The following EPS15L1 variants were observed in gnomAD, a reference collection of about 807,000 sequenced individuals.
EPS15L1 encodes the protein epidermal growth factor receptor pathway substrate 15 like 1, also known as epidermal growth factor receptor substrate 15-like 1.
Under a neutral mutation model 117.1 loss-of-function variants are expected in EPS15L1, and 43 were observed. The observed-to-expected ratio is 0.37, with a 90% CI of 0.29 to 0.47. The LOEUF is 0.47. Ranked by LOEUF, EPS15L1 falls within the 20% of genes least tolerant of loss-of-function variation. The pLI, the probability that EPS15L1 is intolerant of heterozygous loss-of-function variation, is 0.99. For synonymous variants in EPS15L1, 459 were observed against 470.5 expected, an observed-to-expected ratio of 0.98 and a Z score of 0.32; for missense variants, 981 against 1,164.0, an observed-to-expected ratio of 0.84 and a Z score of 2.29.
At chr19:16,391,095 C>A (rs1420170385) in intron 19 of EPS15L1, among the ~76,000 whole-genome samples, 2 of 152,046 alleles carry the variant, frequency 1.3e-5, no homozygotes, top group Non-Finnish European at 2.9e-5. Context: ...GTAAATTGAA[C>A]CATCGTAAGT....
Position 16,471,925 on chromosome 19 carries a change from G to T in EPS15L1, c.21C>A (p.Pro7=). The T allele has an allele frequency of 7.7e-7, 1 of 1,295,642 alleles. No individual in the cohort carries two copies. Among genetic ancestry groups the T allele is most frequent in the Non-Finnish European group, 9.8e-7 (1 of 1,023,318 alleles). The allele number at this position is 1,295,642 out of a possible 1,614,324, so 80.3% of individuals were successfully genotyped here. The part of the protein sequence containing the change: MAAPLI[P]LSQQIPTGNS... ...GCCCGGCCCGTACCTGCTGGGAGAG[G>T]GGGATGAGCGGCGCCGCCATCTTCC... The change falls in exon 1 of 24, where the codon CCC becomes CCA. Residue 7 remains proline, a synonymous_variant. Transcript: ENST00000455140. The surrounding 1 kb of genome is among the most constrained non-coding windows in gnomAD (Gnocchi z 4.8).
At chr19:16,376,295 C>A (rs2092294451) in intron 22 of EPS15L1, among the ~76,000 whole-genome samples, 1 of 152,190 alleles carries the variant, frequency 6.6e-6, no homozygotes, top group South Asian at 2.1e-4. Flanking sequence ...ATAAATGGAT[C>A]AGGGAGCTGC....
chr19:16,408,938 C>A (rs1285802344), intron 13 of EPS15L1, among the ~76,000 whole-genome samples: 1 of 152,138 alleles, frequency 6.6e-6, no homozygotes, highest in Non-Finnish European at 1.5e-5. Flanking sequence ...ACAAATGGCA[C>A]TGGCCCAGCA....
At chr19:16,393,771 G>A (rs1046101880) in intron 18 of EPS15L1, among the ~76,000 whole-genome samples, 180 bp downstream of exon 18, 1 of 152,118 alleles carries the variant, frequency 6.6e-6, no homozygotes, top group African/African-American at 2.4e-5. Context: ...GACCTGGGGA[G>A]GGGAGCCACC....
chr19:16,384,586 G>C (rs901897854), intron 21 of EPS15L1, among the ~76,000 whole-genome samples: 2 of 152,194 alleles, frequency 1.3e-5, no homozygotes, highest in Non-Finnish European at 2.9e-5. Context: ...CGTGTGGTGA[G>C]GGCCGGACAC....
At chr19:16,400,704 T>C (rs2144818163) in intron 16 of EPS15L1, 2 of 985,440 alleles carry the variant, frequency 2.0e-6, no homozygotes. Flanking sequence ...CAAGTTTCCA[T>C]GTAACGTATC....
At chr19:16,421,590 C>G in intron 9 of EPS15L1, 114 bp from the exon 10 acceptor site, 2 of 1,114,196 alleles carry the variant, frequency 1.8e-6, no homozygotes, top group Non-Finnish European at 2.6e-6. Flanking sequence ...GCATCAAACT[C>G]TCCTCACTTC....
At chr19:16,355,928 G>T (rs986420200) in intron 23 of EPS15L1, 77 bp from the exon 24 acceptor site, 20 of 1,492,580 alleles carry the variant, frequency 1.3e-5, no homozygotes, top group Non-Finnish European at 1.7e-5. Context: ...CAGGGAATGC[G>T]TGGGAGGGGT....
chr19:16,463,676 T>C (rs530150788), intron 1 of EPS15L1, among the ~76,000 whole-genome samples: 2 of 152,246 alleles, frequency 1.3e-5, no homozygotes, highest in African/African-American at 4.8e-5. Flanking sequence ...GTCTCTGCCC[T>C]TGTGGACCTA....
intron 13 of EPS15L1, among the ~76,000 whole-genome samples, chr19:16,411,861 G>A (rs1472387905): frequency 6.6e-6 from 1 of 151,848 alleles, no homozygotes; most frequent in Non-Finnish European, 1.5e-5. Context: ...CACTACACCC[G>A]GCTTTTGCAA....
intron 4 of EPS15L1, among the ~76,000 whole-genome samples, chr19:16,438,974 G>A (rs1450216190): frequency 6.6e-6 from 1 of 152,032 alleles, no homozygotes; most frequent in Non-Finnish European, 1.5e-5. Context: ...ACACGGGAAG[G>A]AAGTTGAACT....
chr19:16,376,995 C>T, intron 22 of EPS15L1, 127 bp downstream of exon 22: 1 of 1,233,738 alleles, frequency 8.1e-7, no homozygotes, highest in Non-Finnish European at 1.1e-6. Flanking sequence ...GCCGGGGGGA[C>T]CCTCTTGCTC....
Position 16,370,585 on chromosome 19 carries a change from G to A in EPS15L1, c.2380+6537C>T, listed in dbSNP as rs1434068788. ...CCACTGAACACCAGATGATAATCGA[G>A]TCACACGACACTCCCTGGATCCGCC... On this transcript the variant is annotated intron_variant, in intron 22 of 23. Transcript: ENST00000455140. The surrounding 1 kb of genome is among the most constrained non-coding windows in gnomAD (Gnocchi z 5.2). 6.6e-6 allele frequency among the ~76,000 whole-genome samples: 1 copy of A among 152,166 alleles called. No individual in the cohort carries two copies. The highest frequency in any genetic ancestry group is 1.5e-5 in the Non-Finnish European group (1 of 68,032).
In EPS15L1 at chr19:16,471,217, G is replaced by A. The variant is rs541664763; in HGVS notation, c.33+696C>T. Among the ~76,000 whole-genome samples, 51 of 152,320 alleles carry A rather than the reference G, an allele frequency of 3.3e-4. No homozygotes were observed. Among genetic ancestry groups the A allele is most frequent in the Non-Finnish European group, 6.6e-4 (45 of 68,032 alleles). ...CCTTGTCTGTCTGGAAGAATGCAGC[G>A]CTCCCAGCACCTGACCCAACGCACA... On this transcript the variant is annotated intron_variant, in intron 1 of 23. Transcript: ENST00000455140. This position sits in a 1 kb window ranked among gnomAD's most constrained non-coding sequence, Gnocchi z 4.8.
intron 21 of EPS15L1, among the ~76,000 whole-genome samples, chr19:16,378,384 GT>G (rs1220998734): frequency 1.3e-5 from 2 of 152,066 alleles, no homozygotes; most frequent in Admixed American, 6.5e-5. Flanking sequence ...TCAGCCTCCT[GT>G]TTCCAAGTCC....
At chr19:16,432,957 ACCACAC>A (rs2092943787) in intron 7 of EPS15L1, among the ~76,000 whole-genome samples, 1 of 151,240 alleles carries the variant, frequency 6.6e-6, no homozygotes, top group East Asian at 2.0e-4. Context: ...GTCACGCACC[ACCACAC>A]CTGGCTAGTT....
At position 16,365,687 on chromosome 19, in the gene EPS15L1, T is replaced by C. The variant is rs2092124193; in HGVS notation, c.2381-3703A>G. Among the ~76,000 whole-genome samples the C allele has an allele frequency of 6.6e-6, 1 of 152,226 alleles. No homozygotes were observed. Among genetic ancestry groups the C allele is most frequent in the Admixed American group, 6.5e-5 (1 of 15,282 alleles). ...GCCAGTCCCTCGAGCCCCTGCCTGC[T>C]TCTGCCCAGCTTCTCCCTCCACGGG... On this transcript the variant is annotated intron_variant, in intron 22 of 23. Transcript: ENST00000455140. The surrounding 1 kb of genome is among the most constrained non-coding windows in gnomAD (Gnocchi z 4.9).
chr19:16,399,786 G>A (rs1313561620), intron 16 of EPS15L1, among the ~76,000 whole-genome samples: 1 of 151,706 alleles, frequency 6.6e-6, no homozygotes, highest in African/African-American at 2.4e-5. Flanking sequence ...CCTCCCAAAG[G>A]ACTGGGATTA....
intron 6 of EPS15L1, 57 bp downstream of exon 6, chr19:16,436,880 G>C: frequency 7.4e-7 from 1 of 1,352,666 alleles, no homozygotes; most frequent in Non-Finnish European, 1.1e-6. Flanking sequence ...TAGAACAACT[G>C]CTGGAACAAT....
Sources: allele counts gnomAD v4.1 joint callset (sites outside exome capture counted in the v4.1 genomes callset), GRCh38; gene constraint gnomAD v4.1.1; non-coding constraint Gnocchi (gnomAD v3.1); transcripts MANE v1.5; gene names NCBI Gene and HGNC (gene_info 2026-07-23, HGNC 2026-07-21).